Variants in ASPH observed in about 807,000 individuals in gnomAD.
The protein encoded by ASPH is aspartate beta-hydroxylase.
A neutral mutation model predicts 118.4 loss-of-function variants in ASPH; 100 were observed. The ratio of observed to expected loss-of-function variants is 0.84; its 90% confidence interval spans 0.72 to 1.00. ASPH has a LOEUF of 1.00. Among genes scored for constraint, ASPH ranks in the 50% least tolerant of loss-of-function variants. The probability of loss-of-function intolerance (pLI) is 0.00; values close to 1 mark genes in which losing one functional copy is unlikely to be tolerated. For missense variants in ASPH, 920 were observed against 919.5 expected (o/e 1.00, Z -0.01); for synonymous variants, 315 against 325.6 (o/e 0.97, Z 0.35).
At chr8:61,576,583 A>G in intron 16 of ASPH, 189 bp downstream of exon 16, 1 of 483,994 alleles carries the variant, frequency 2.1e-6, no homozygotes, top group Non-Finnish European at 3.6e-6. Context: ...ATGGAGGGGG[A>G]GCAGAAAAAA....
chr8:61,632,693 C>A (rs778759771), intron 13 of ASPH: 3 of 487,156 alleles, frequency 6.2e-6, no homozygotes, highest in Admixed American at 2.1e-5. Context: ...TATTAATGTA[C>A]ATGGCAGGAC....
chr8:61,575,169 T>C (rs1834729665), intron 16 of ASPH, among the ~76,000 whole-genome samples: 3 of 152,212 alleles, frequency 2.0e-5, no homozygotes, highest in Non-Finnish European at 4.4e-5. Flanking sequence ...TCATGTTACC[T>C]GCAGCCAAAA....
At chr8:61,552,676 T>TA (rs1826420615) in intron 20 of ASPH, among the ~76,000 whole-genome samples, 2 of 152,156 alleles carry the variant, frequency 1.3e-5, no homozygotes, top group African/African-American at 4.8e-5. Flanking sequence ...TTTCAAAATT[T>TA]AAAAAATACT....
intron 21 of ASPH, among the ~76,000 whole-genome samples, chr8:61,534,911 A>C (rs964565768): frequency 3.3e-5 from 5 of 152,246 alleles, no homozygotes; most frequent in Non-Finnish European, 7.3e-5. Flanking sequence ...TAGAAGTTCA[A>C]GACCAAGGTC....
chr8:61,559,399 A>T (rs1828996075), intron 18 of ASPH, among the ~76,000 whole-genome samples: 1 of 152,150 alleles, frequency 6.6e-6, no homozygotes, highest in African/African-American at 2.4e-5. Flanking sequence ...TAGCATCCCT[A>T]ACCCCTGTGT....
At chr8:61,671,660 G>A (rs1208000201) in intron 3 of ASPH, among the ~76,000 whole-genome samples, 1 of 152,068 alleles carries the variant, frequency 6.6e-6, no homozygotes, top group African/African-American at 2.4e-5. Flanking sequence ...TAATAGCTCT[G>A]GCAACTATTT....
At chr8:61,700,165 T>C (rs139127387) in intron 1 of ASPH, among the ~76,000 whole-genome samples, 401 of 152,326 alleles carry the variant, frequency 2.6e-3, no homozygotes, top group South Asian at 0.011. Flanking sequence ...GGAGGGTCCA[T>C]ACCAGGCCTT....
At chr8:61,621,027 C>T (rs979286072) in intron 13 of ASPH, among the ~76,000 whole-genome samples, 10 of 152,292 alleles carry the variant, frequency 6.6e-5, no homozygotes, top group Admixed American at 2.0e-4. Context: ...CTCCCAGGAA[C>T]GTGGAGGGTG....
chr8:61,537,636 C>A (rs377301407), intron 21 of ASPH, among the ~76,000 whole-genome samples: 1 of 152,230 alleles, frequency 6.6e-6, no homozygotes, highest in East Asian at 1.9e-4. Context: ...CTCAGCCTCC[C>A]AAAGGGCATA....
intron 1 of ASPH, among the ~76,000 whole-genome samples, chr8:61,707,455 A>T (rs1836967578): frequency 6.6e-6 from 1 of 152,206 alleles, no homozygotes; most frequent in Non-Finnish European, 1.5e-5. Flanking sequence ...TGACAATGTG[A>T]TGATGGCACA....
In ASPH at chr8:61,714,148, C is replaced by A. The variant is rs1838782094; in HGVS notation, c.103+121G>T. 3.2e-6 allele frequency: 4 copies of A among 1,261,546 alleles called. No individual in the cohort carries two copies. In the South Asian group the frequency reaches 7.9e-5, roughly 25 times the overall value. 78.1% of individuals were successfully genotyped at this position (1,261,546 alleles called of 1,614,324 possible). A position where few individuals can be genotyped will look rare whatever the true frequency, so the allele number is the denominator to read the frequency against. On this transcript the variant is annotated intron_variant, in intron 1 of 24. Transcript: ENST00000379454. The stretch of plus-strand genomic sequence containing the variant: ...CCCCGCGCGCCTAAAGGAGGAGCGT[C>A]GCGGGGGATGGAGGCGGCGCGCGGT...
intron 1 of ASPH, among the ~76,000 whole-genome samples, chr8:61,693,220 C>T (rs902821250): frequency 1.3e-5 from 2 of 152,156 alleles, no homozygotes; most frequent in African/African-American, 2.4e-5. Context: ...AGACCTTGTT[C>T]GCCTCCATTT....
At chr8:61,535,563 G>C (rs1819171923) in intron 21 of ASPH, among the ~76,000 whole-genome samples, 1 of 152,210 alleles carries the variant, frequency 6.6e-6, no homozygotes, top group African/African-American at 2.4e-5. Context: ...GGGATGCTGT[G>C]AAAGGCTATT....
chr8:61,583,196 T>C (rs1838129398), intron 15 of ASPH: 2 of 152,146 alleles, frequency 1.3e-5, no homozygotes, highest in Admixed American at 1.3e-4. Flanking sequence ...GTTTTTCTTT[T>C]TGCATCAAGG....
At chr8:61,537,985 C>T (rs1215845329) in intron 21 of ASPH, among the ~76,000 whole-genome samples, 1 of 152,212 alleles carries the variant, frequency 6.6e-6, no homozygotes, top group African/African-American at 2.4e-5. Context: ...ATAGCCTCAG[C>T]CGTGTGGACT....
Position 61,664,663 on chromosome 8 carries a change from A to AG in ASPH, c.323-11004dup, listed in dbSNP as rs552119781. On this transcript the variant is annotated intron_variant, in intron 3 of 24. Coordinates refer to ENST00000379454, the MANE Select transcript of ASPH (RefSeq NM_004318.4). Reference sequence around the variant, plus strand: ...AAGACTTGGGGAGGGAGACTAGAAAAGGGGAGATAAGAGGGAAAAGGGGAA... The same window carrying AG: ...AAGACTTGGGGAGGGAGACTAGAAAAGGGGGAGATAAGAGGGAAAAGGGGAA... 296 of 985,818 alleles carry AG rather than the reference A, an allele frequency of 3.0e-4. 1 individual carries two copies. The African/African-American group carries it at 4.5e-3, about 15-fold the overall frequency. 61.1% of individuals were successfully genotyped at this position (985,818 alleles called of 1,614,324 possible).
chr8:61,674,642 T>C (rs1326837133), intron 3 of ASPH, among the ~76,000 whole-genome samples: 4 of 152,186 alleles, frequency 2.6e-5, no homozygotes, highest in Non-Finnish European at 5.9e-5. Context: ...GCAGAGGGAA[T>C]GGATGTCCCA....
At chr8:61,709,077 G>A (rs953329062) in intron 1 of ASPH, among the ~76,000 whole-genome samples, 1 of 152,076 alleles carries the variant, frequency 6.6e-6, no homozygotes, top group Admixed American at 6.6e-5. Flanking sequence ...TTTCCTTTGA[G>A]TCTAATAGGT....
chr8:61,534,618 C>G (rs1818801675), intron 21 of ASPH, among the ~76,000 whole-genome samples: 1 of 152,140 alleles, frequency 6.6e-6, no homozygotes, highest in African/African-American at 2.4e-5. Flanking sequence ...ATCCTCAATC[C>G]CATGACACAC....
Sources: gnomAD v4.1 joint callset for allele counts (sites outside exome capture counted in the v4.1 genomes callset) on GRCh38, gnomAD v4.1.1 for gene constraint, MANE v1.5 for transcripts, NCBI Gene and HGNC (gene_info 2026-07-23, HGNC 2026-07-21) for gene names.